The following ABCC4 variants were observed in gnomAD, a reference collection of about 807,000 sequenced individuals.
ABCC4 encodes ATP binding cassette subfamily C member 4 (PEL blood group), also known as ATP-binding cassette sub-family C member 4.
Under a neutral mutation model 168.5 loss-of-function variants are expected in ABCC4, and 102 were observed. That is an observed-to-expected ratio of 0.61 (90% CI 0.52 to 0.71). ABCC4 has a LOEUF of 0.71. ABCC4 is among the 30% of genes least tolerant of loss of function. The pLI is 0.00. For synonymous variants in ABCC4, 617 were observed against 590.7 expected (o/e 1.04, Z -0.65); for missense variants, 1,402 against 1,605.8 (o/e 0.87, Z 2.17).
chr13:95,044,545 C>A, intron 27 of ABCC4, 107 bp from the exon 28 acceptor site: 1 of 923,216 alleles, frequency 1.1e-6, no homozygotes, highest in Admixed American at 3.1e-5. Flanking sequence ...AGAGATATAA[C>A]TTAAGTGGAC....
chr13:95,143,698 A>G (rs1487776715), intron 19 of ABCC4, among the ~76,000 whole-genome samples: 2 of 152,190 alleles, frequency 1.3e-5, no homozygotes, highest in Admixed American at 1.3e-4. Context: ...ACCAAACACT[A>G]CAAATTTCAG....
At chr13:95,291,253 G>A (rs555335355) in intron 1 of ABCC4, among the ~76,000 whole-genome samples, 1 of 152,098 alleles carries the variant, frequency 6.6e-6, no homozygotes, top group East Asian at 1.9e-4. Flanking sequence ...TACTTGGGGG[G>A]CTGAAGCAGT....
chr13:95,071,686 T>C lies in ABCC4; in HGVS notation c.3186A>G (p.Thr1062=). 1 of 1,503,644 alleles carries C rather than the reference T, an allele frequency of 6.7e-7. No homozygotes were observed. Among genetic ancestry groups the C allele is most frequent in the Non-Finnish European group, 8.9e-7 (1 of 1,127,912 alleles). 93.1% of individuals were successfully genotyped at this position (1,503,644 alleles called of 1,614,324 possible). A position where few individuals can be genotyped will look rare whatever the true frequency, so the allele number is the denominator to read the frequency against. ...PGGPLVLKHL[T]ALIKSQEKVG... is the part of the protein sequence containing the mutation. ...CCTTTTCTTGTGATTTAATGAGTGC[T>C]GTCAGATGCTTCAGTACCAGAGGCC... is the stretch of plus-strand genomic sequence containing the variant. Residue 1062 remains threonine, a synonymous_variant, in exon 25 of 31, where the codon ACA becomes ACG. Transcript: ENST00000645237.
At chr13:95,143,356 A>G (rs1256843361) in intron 19 of ABCC4, among the ~76,000 whole-genome samples, 1 of 152,218 alleles carries the variant, frequency 6.6e-6, no homozygotes, top group African/African-American at 2.4e-5. Flanking sequence ...GATGAGTCCT[A>G]TTAAAAGTTC....
At chr13:95,244,656 A>G (rs1004092948) in intron 3 of ABCC4, among the ~76,000 whole-genome samples, 869 of 82,376 alleles carry the variant, frequency 0.011, 298 homozygotes, top group Non-Finnish European at 0.018. Context: ...AAAGAAAGAA[A>G]GAAAGAAAGA....
At chr13:95,128,442 C>A (rs990215681) in intron 19 of ABCC4, among the ~76,000 whole-genome samples, 4 of 152,304 alleles carry the variant, frequency 2.6e-5, no homozygotes, top group East Asian at 3.9e-4. Context: ...TACTTAGCAG[C>A]CTGCTCAATT....
intron 1 of ABCC4, among the ~76,000 whole-genome samples, chr13:95,280,363 G>A (rs1415654361): frequency 1.4e-5 from 2 of 145,654 alleles, no homozygotes; most frequent in South Asian, 2.2e-4. Context: ...GTTGTGGTAC[G>A]CCAAGATCAT....
intron 19 of ABCC4, among the ~76,000 whole-genome samples, chr13:95,118,776 C>T (rs549760954): frequency 7.0e-4 from 107 of 152,324 alleles, no homozygotes; most frequent in African/African-American, 2.4e-3. Context: ...AATCTATTTT[C>T]GGACTGTTCT....
At chr13:95,294,312 G>T (rs529937736) in intron 1 of ABCC4, among the ~76,000 whole-genome samples, 1 of 152,104 alleles carries the variant, frequency 6.6e-6, no homozygotes, top group Non-Finnish European at 1.5e-5. Context: ...GCAGTGAGCC[G>T]AGATCACGCC....
At chr13:95,024,597 T>C (rs947802842) in intron 30 of ABCC4, among the ~76,000 whole-genome samples, 2 of 152,198 alleles carry the variant, frequency 1.3e-5, no homozygotes, top group Non-Finnish European at 2.9e-5. Flanking sequence ...CCATCTGATG[T>C]GTTGAATTCA....
chr13:95,288,767 CA>C (rs938323690), intron 1 of ABCC4, among the ~76,000 whole-genome samples: 29 of 145,436 alleles, frequency 2.0e-4, no homozygotes, highest in Admixed American at 4.1e-4. Flanking sequence ...GACTCTGACT[CA>C]AAAAAAAAAG....
intron 19 of ABCC4, among the ~76,000 whole-genome samples, chr13:95,139,448 G>A (rs1324789154): frequency 6.6e-6 from 1 of 152,160 alleles, no homozygotes; most frequent in East Asian, 1.9e-4. Flanking sequence ...ACTTGACCCT[G>A]TTACAGAGAA....
At chr13:95,243,483 A>G (rs866486256) in intron 3 of ABCC4, among the ~76,000 whole-genome samples, 6 of 152,296 alleles carry the variant, frequency 3.9e-5, no homozygotes, top group Non-Finnish European at 8.8e-5. Context: ...CGAGGAGGAG[A>G]CAACTGGGAA....
At chr13:95,218,343 C>A (rs1440905057) in intron 4 of ABCC4, among the ~76,000 whole-genome samples, 2 of 152,168 alleles carry the variant, frequency 1.3e-5, no homozygotes, top group African/African-American at 4.8e-5. Context: ...TGGCTAATAT[C>A]CTCCTTCCTC....
chr13:95,193,926 C>G (rs753077239), intron 9 of ABCC4, among the ~76,000 whole-genome samples: 19 of 152,224 alleles, frequency 1.2e-4, no homozygotes, highest in Non-Finnish European at 2.4e-4. Flanking sequence ...GCCTATAAAA[C>G]CTGCCCCATC....
intron 23 of ABCC4, among the ~76,000 whole-genome samples, chr13:95,073,913 A>G (rs1374130382): frequency 6.6e-6 from 1 of 152,178 alleles, no homozygotes; most frequent in Non-Finnish European, 1.5e-5. Context: ...GTTGGACAAA[A>G]TGCTTCAGAA....
chr13:95,284,604 G>A (rs7983813), intron 1 of ABCC4, among the ~76,000 whole-genome samples: 3,125 of 152,220 alleles, frequency 0.021, 123 homozygotes, highest in African/African-American at 0.071. Context: ...CGGCCTTTTC[G>A]GCAGACACCC....
At chr13:95,194,769 A>G in intron 9 of ABCC4, 67 bp downstream of exon 9, 3 of 1,328,942 alleles carry the variant, frequency 2.3e-6, no homozygotes, top group East Asian at 4.7e-5. Context: ...ACACCTCAAA[A>G]TTCTCTATTA....
chr13:95,210,682 T>C lies in ABCC4; in HGVS notation c.621+10A>G, dbSNP rs200516503. On this transcript the variant is annotated intron_variant, in intron 5 of 30. Transcript: ENST00000645237. ...ATGCAATGAAAAAGGATCCCTGAGC[T>C]GCAGCTTACCTGATCAAACTTGTTC... The C allele has an allele frequency of 9.3e-6, 15 of 1,612,356 alleles. No individual in the cohort carries two copies. The Admixed American group carries it at 2.5e-4, about 27-fold the overall frequency.
Sources: allele counts gnomAD v4.1 joint callset (sites outside exome capture counted in the v4.1 genomes callset), GRCh38; gene constraint gnomAD v4.1.1; transcripts MANE v1.5; gene names NCBI Gene and HGNC (gene_info 2026-07-23, HGNC 2026-07-21).